Variants in ARHGAP32 observed in about 807,000 individuals in gnomAD.
The protein encoded by ARHGAP32 is rho GTPase-activating protein 32.
A neutral mutation model predicts 186.5 loss-of-function variants in ARHGAP32; 51 were observed. The ratio of observed to expected loss-of-function variants is 0.27; its 90% CI spans 0.22 to 0.35. ARHGAP32 has a LOEUF of 0.35. Ranked by LOEUF, ARHGAP32 falls within the 10% of genes least tolerant of loss-of-function variation. The probability of loss-of-function intolerance (pLI) is 1.00; values close to 1 mark genes in which losing one functional copy is unlikely to be tolerated. For synonymous variants in ARHGAP32, 950 were observed against 964.3 expected (o/e 0.99, Z 0.27); for missense variants, 2,186 against 2,623.5 (o/e 0.83, Z 3.64).
chr11:129,162,119 T>G (rs565321), intron 2 of ARHGAP32, among the ~76,000 whole-genome samples: 44,497 of 151,508 alleles, frequency 0.29, 6,831 homozygotes, highest in Middle Eastern at 0.4. Flanking sequence ...ACACAGTGAG[T>G]GGAACATCAC....
upstream of ARHGAP32, among the ~76,000 whole-genome samples, chr11:129,196,859 C>T (rs143447892): frequency 0.021 from 3,267 of 152,178 alleles, 110 homozygotes; most frequent in Admixed American, 0.083. Context: ...GAGTTCGAGA[C>T]CAGCCTGTCC....
intron 1 of ARHGAP32, among the ~76,000 whole-genome samples, chr11:129,173,165 G>A (rs752935195): frequency 6.6e-6 from 1 of 151,932 alleles, no homozygotes; most frequent in Non-Finnish European, 1.5e-5. Flanking sequence ...ACTACCATCA[G>A]AGAATACTAT....
At chr11:129,093,828 A>G in intron 5 of ARHGAP32, 121 bp from the exon 6 acceptor site, 2 of 675,136 alleles carry the variant, frequency 3.0e-6, no homozygotes, top group Non-Finnish European at 2.6e-6. Context: ...AATGTGAGAC[A>G]TATCTTATAT....
chr11:129,014,930 T>C (rs374409142), intron 11 of ARHGAP32, among the ~76,000 whole-genome samples: 1 of 152,190 alleles, frequency 6.6e-6, no homozygotes, highest in Non-Finnish European at 1.5e-5. Flanking sequence ...TAAACAGATA[T>C]TAAAAGATTT....
At chr11:129,204,933 C>T (rs1389354689) in intron 1 of ARHGAP32, among the ~76,000 whole-genome samples, 1 of 152,150 alleles carries the variant, frequency 6.6e-6, no homozygotes, top group East Asian at 1.9e-4. Flanking sequence ...TTCCTGCCTG[C>T]TCATTTATTT....
Position 128,969,851 on chromosome 11 carries a change from C to T in ARHGAP32, c.5362G>A (p.Asp1788Asn), listed in dbSNP as rs1348607189. The T allele has an allele frequency of 2.5e-6, 4 of 1,614,082 alleles. No individual in the cohort carries two copies. The African/African-American group carries it at 5.3e-5, about 22-fold the overall frequency. ...TCCTGCACCGCCGGGGTCATGTTAT[C>T]ATATTGGGACATGACAGGCCCTTTC... is the stretch of plus-strand genomic sequence containing the variant. Reference protein sequence around the residue: ...KVKGPVMSQYDNMTPAVQDDL... With the variant: ...KVKGPVMSQYNNMTPAVQDDL... Residue 1788 changes from aspartate to asparagine, a missense_variant, in exon 23 of 23, where the codon GAT (aspartate) becomes AAT (asparagine). Physicochemically the swap from Asp to Asn is conservative, Grantham distance 23. This residue lies in a region of ARHGAP32 where 1,502 missense variants were observed against 1,570.0 expected (regional missense o/e 0.96). Coordinates refer to ENST00000682385, the MANE Select transcript of ARHGAP32 (RefSeq NM_001378024.1). This position sits in a 1 kb window ranked among gnomAD's most constrained non-coding sequence, Gnocchi z 4.8.
At chr11:129,275,850 T>C (rs1251356906) in intron 1 of ARHGAP32, among the ~76,000 whole-genome samples, 1 of 152,278 alleles carries the variant, frequency 6.6e-6, no homozygotes, top group Non-Finnish European at 1.5e-5. Flanking sequence ...ATGGGCCAGA[T>C]ATGGCCTGCA....
intron 2 of ARHGAP32, among the ~76,000 whole-genome samples, chr11:129,143,231 G>A (rs1258207470): frequency 6.6e-6 from 1 of 151,934 alleles, no homozygotes; most frequent in African/African-American, 2.4e-5. Flanking sequence ...TTTTACCATT[G>A]GTCTAAGTAT....
intron 1 of ARHGAP32, among the ~76,000 whole-genome samples, chr11:129,264,229 G>A (rs1311951500): frequency 6.6e-6 from 1 of 152,158 alleles, no homozygotes; most frequent in Admixed American, 6.5e-5. Context: ...TGTGGTTACT[G>A]GGCCTGGGAG....
Position 129,180,175 on chromosome 11 carries a change from T to C in ARHGAP32, c.116+11908A>G, listed in dbSNP as rs78428652. On this transcript the variant is annotated intron_variant, in intron 1 of 22. Transcript: ENST00000682385. ...ACTAGTTTTAATATTTTTCATACAA[T>C]AGACTACTACTCATAAATAAAAAGG... Among the ~76,000 whole-genome samples, 999 of 152,204 alleles carry C rather than the reference T, an allele frequency of 6.6e-3. 7 individuals carry two copies. The highest frequency in any genetic ancestry group is 8.5e-3 in the Non-Finnish European group (576 of 67,984).
chr11:129,217,917 C>A (rs1944665640), intron 1 of ARHGAP32, among the ~76,000 whole-genome samples: 1 of 152,050 alleles, frequency 6.6e-6, no homozygotes, highest in Non-Finnish European at 1.5e-5. Flanking sequence ...TAACATAGGC[C>A]TCAATTTTCT....
rs117056058 is a variant in ARHGAP32, at chr11:129,197,336, G to T, written c.-4-32909C>A. 3.3e-5 allele frequency among the ~76,000 whole-genome samples: 5 copies of T among 152,226 alleles called. No individual in the cohort carries two copies. In the East Asian group the frequency reaches 7.7e-4, roughly 24 times the overall value. ...ACTATCAGGGGAGGGGTATGGACAG[G>T]ATATCACACAGCAAAACAATAGCAA... On this transcript the variant is annotated intron_variant, in intron 1 of 6. Transcript: ENST00000525234.
At chr11:129,191,592 A>C (rs1370924136) in intron 1 of ARHGAP32, among the ~76,000 whole-genome samples, 1 of 152,094 alleles carries the variant, frequency 6.6e-6, no homozygotes, top group South Asian at 2.1e-4. Flanking sequence ...TCAAAGCCAC[A>C]AAATAACCAA....
intron 1 of ARHGAP32, among the ~76,000 whole-genome samples, chr11:129,228,389 A>C (rs576084373): frequency 6.6e-6 from 1 of 152,350 alleles, no homozygotes; most frequent in East Asian, 1.9e-4. Flanking sequence ...AGAACAGAAA[A>C]AAATAAGAGT....
chr11:129,124,655 C>T, intron 3 of ARHGAP32, 148 bp downstream of exon 3: 1 of 558,002 alleles, frequency 1.8e-6, no homozygotes. Flanking sequence ...GCCTATTCCA[C>T]TGACTGCTGA....
At chr11:129,184,052 T>C (rs1388070872) in intron 1 of ARHGAP32, among the ~76,000 whole-genome samples, 1 of 152,104 alleles carries the variant, frequency 6.6e-6, no homozygotes. Context: ...TAAAAGCAAG[T>C]GGTATCATAC....
chr11:129,148,608 AT>A (rs1943221315), intron 2 of ARHGAP32, among the ~76,000 whole-genome samples: 1 of 152,118 alleles, frequency 6.6e-6, no homozygotes, highest in Non-Finnish European at 1.5e-5. Context: ...CTGGGCGTGA[AT>A]TTCCTTGAGC....
Position 129,274,270 on chromosome 11 carries a change from A to T in ARHGAP32, c.-5+4876T>A, listed in dbSNP as rs140491826. ...TCCTGCTCAAGCTTCATCTCTCCAG[A>T]TAGGAAACGTCTGGTTTGGTTTGTT... On this transcript the variant is annotated intron_variant, in intron 1 of 6. Coordinates refer to the ARHGAP32 transcript ENST00000525234. 2.5e-3 allele frequency among the ~76,000 whole-genome samples: 375 copies of T among 152,304 alleles called. 7 individuals carry two copies. The highest frequency in any genetic ancestry group is 0.023 in the Admixed American group (348 of 15,304).
chr11:129,180,905 T>C (rs1944040451), intron 1 of ARHGAP32, among the ~76,000 whole-genome samples: 1 of 152,156 alleles, frequency 6.6e-6, no homozygotes, highest in Non-Finnish European at 1.5e-5. Context: ...ACTAAGAAAT[T>C]ATGTAAATAT....
Sources: gnomAD v4.1 joint callset for allele counts (sites outside exome capture counted in the v4.1 genomes callset) on GRCh38, gnomAD v4.1.1 for gene constraint, gnomAD v4.1.1 regional missense constraint, Gnocchi (gnomAD v3.1) non-coding constraint, MANE v1.5 for transcripts, NCBI Gene and HGNC (gene_info 2026-07-23, HGNC 2026-07-21) for gene names.